The following ZNF101 variants were observed in gnomAD, a reference collection of about 807,000 sequenced individuals.
ZNF101 encodes zinc finger protein 101, also known as zinc finger protein 101 (Y2).
Under a neutral mutation model 42.6 loss-of-function variants are expected in ZNF101, and 34 were observed. The observed-to-expected ratio is 0.80, with a 90% CI of 0.61 to 1.06. The LOEUF (loss-of-function observed/expected upper bound fraction) is 1.06. Ranked by LOEUF, ZNF101 falls within the 50% of genes least tolerant of loss-of-function variation. ZNF101 has a pLI of 0.00. For synonymous variants in ZNF101, 158 were observed against 183.9 expected, an observed-to-expected ratio of 0.86 and a Z score of 1.14; for missense variants, 466 against 530.9, an observed-to-expected ratio of 0.88 and a Z score of 1.20.
chr19:19,668,825 C>G, upstream of ZNF101: 1 of 1,146,048 alleles, frequency 8.7e-7, no homozygotes, highest in East Asian at 3.0e-5. Context: ...GGTCTCATTT[C>G]CCGCCGGCCC....
In ZNF101 at chr19:19,668,901, C is replaced by G; in HGVS notation, c.-63C>G. ...GTGCCCCGGATACGGCTGATTTTGT[C>G]GTGTGGGACCTGTTCTGGCTGCTCC... On this transcript the variant is annotated 5_prime_UTR_variant, in exon 1 of 4. Transcript: ENST00000592502. The G allele has an allele frequency of 6.5e-7, 1 of 1,530,844 alleles. No individual in the cohort carries two copies. Among genetic ancestry groups the G allele is most frequent in the Non-Finnish European group, 8.8e-7 (1 of 1,132,070 alleles). 94.8% of individuals were successfully genotyped at this position (1,530,844 alleles called of 1,614,324 possible). A position where few individuals can be genotyped will look rare whatever the true frequency, so the allele number is the denominator to read the frequency against.
chr19:19,671,077 A>G (rs535801667), intron 1 of ZNF101, among the ~76,000 whole-genome samples: 9 of 152,172 alleles, frequency 5.9e-5, no homozygotes, highest in Non-Finnish European at 7.3e-5. Context: ...ACTGCACTCC[A>G]GCCTGCGCGA....
chr19:19,671,824 C>T (rs1045554438), intron 1 of ZNF101, among the ~76,000 whole-genome samples: 37 of 152,072 alleles, frequency 2.4e-4, no homozygotes, highest in African/African-American at 8.4e-4. Context: ...ATGCTTTTTA[C>T]ATCATAATCA....
upstream of ZNF101, among the ~76,000 whole-genome samples, chr19:19,668,631 G>C (rs1032781360): frequency 1.3e-5 from 2 of 152,092 alleles, no homozygotes; most frequent in African/African-American, 4.8e-5. Context: ...CCAGCGAGGG[G>C]CTGTGGGTAG....
intron 1 of ZNF101, among the ~76,000 whole-genome samples, chr19:19,673,374 G>A (rs1026118260): frequency 4.1e-5 from 6 of 146,058 alleles, no homozygotes; most frequent in Non-Finnish European, 7.5e-5. Flanking sequence ...CTCAGTCTCC[G>A]GAGTAGCTGG....
chr19:19,678,231 A>G (rs1391022971), intron 2 of ZNF101, among the ~76,000 whole-genome samples: 2 of 150,992 alleles, frequency 1.3e-5, no homozygotes, highest in Non-Finnish European at 3.0e-5. Context: ...GTCTCTTTAA[A>G]AAAAAAAAAA....
In ZNF101 at chr19:19,682,606, G is replaced by A. The variant is rs2062245774; in HGVS notation, c.*2306G>A. Reference sequence around the variant, plus strand: ...GTGAGAATGATACTCTTTAAGCAGTGGTACCTGAGGTTTAATAGGAAGTGT... The same window carrying A: ...GTGAGAATGATACTCTTTAAGCAGTAGTACCTGAGGTTTAATAGGAAGTGT... On this transcript the variant is annotated 3_prime_UTR_variant, in exon 4 of 4. Transcript: ENST00000592502. 1 of 152,028 alleles carries A rather than the reference G, an allele frequency of 6.6e-6. No individual in the cohort carries two copies. The highest frequency in any genetic ancestry group is 1.5e-5 in the Non-Finnish European group (1 of 67,996). The allele number at this position is 152,028 out of a possible 1,614,324, so 9.4% of individuals were successfully genotyped here. A position where few individuals can be genotyped will look rare whatever the true frequency, so the allele number is the denominator to read the frequency against.
At position 19,679,237 on chromosome 19, in the gene ZNF101, T is replaced by C; in HGVS notation, c.248T>C (p.Phe83Ser). The C allele has an allele frequency of 6.2e-7, 1 of 1,614,216 alleles. No individual in the cohort carries two copies. Among genetic ancestry groups the C allele is most frequent in the Non-Finnish European group, 8.5e-7 (1 of 1,180,046 alleles). The change falls in exon 4 of 4, where the codon TTC (phenylalanine) becomes TCC (serine). Residue 83 changes from phenylalanine (F) to serine (S), a missense_variant. Physicochemically the swap from Phe to Ser is radical, Grantham distance 155. Transcript: ENST00000592502. ...RKEGNEHRET[F>S]SQIPDCHLNK... ...GAAGGGAATGAACACAGAGAAACTT[T>C]CAGCCAGATTCCTGATTGTCACCTG...
At chr19:19,674,894 C>G (rs1218652888) in intron 1 of ZNF101, among the ~76,000 whole-genome samples, 2 of 152,044 alleles carry the variant, frequency 1.3e-5, no homozygotes, top group Non-Finnish European at 2.9e-5. Flanking sequence ...CATCTCGGCT[C>G]ACTGCAACCT....
Position 19,681,045 on chromosome 19 carries a change from G to C in ZNF101, c.*745G>C, listed in dbSNP as rs1175274311. The C allele has an allele frequency of 6.6e-6, 1 of 152,220 alleles. No homozygotes were observed. Among genetic ancestry groups the C allele is most frequent in the Non-Finnish European group, 1.5e-5 (1 of 68,110 alleles). 9.4% of individuals were successfully genotyped at this position (152,220 alleles called of 1,614,324 possible). On this transcript the variant is annotated 3_prime_UTR_variant, in exon 4 of 4. Transcript: ENST00000592502. ...GTGGGAGGAACCCTTGAGCCTGGGA[G>C]GTTGAGGCTGCAGTGAGCTGAGATC...
chr19:19,668,888 C>G lies in ZNF101; in HGVS notation c.-76C>G. 1 of 1,508,922 alleles carries G rather than the reference C, an allele frequency of 6.6e-7. No homozygotes were observed. Among genetic ancestry groups the G allele is most frequent in the South Asian group, 1.2e-5 (1 of 81,570 alleles). The allele number at this position is 1,508,922 out of a possible 1,614,324, so 93.5% of individuals were successfully genotyped here. A position where few individuals can be genotyped will look rare whatever the true frequency, so the allele number is the denominator to read the frequency against. ...CGGGGAGCCCCTGGTGCCCCGGATA[C>G]GGCTGATTTTGTCGTGTGGGACCTG... On this transcript the variant is annotated 5_prime_UTR_variant, in exon 1 of 4. Transcript: ENST00000592502.
chr19:19,668,785 G>C (rs544163978), upstream of ZNF101: 3 of 698,634 alleles, frequency 4.3e-6, no homozygotes, highest in Admixed American at 9.4e-5. Context: ...AGGTGCGCCG[G>C]GAGGAGGGGC....
rs1332111040 is a variant in ZNF101, at chr19:19,679,199, CTG to C, written c.213_214del (p.Cys71TrpfsTer3). 5.6e-6 allele frequency: 9 copies of C among 1,613,506 alleles called. No individual in the cohort carries two copies. Among genetic ancestry groups the C allele is most frequent in the Admixed American group, 3.3e-5 (2 of 59,982 alleles). On this transcript the variant is annotated frameshift_variant, in exon 4 of 4. Coordinates refer to ENST00000592502, the MANE Select transcript of ZNF101 (RefSeq NM_033204.4). LOFTEE classifies it high-confidence loss of function. ...TTCATAGAAGTCTGGTGGAGAGACT[CTG>C]TGGACGTAAAGAAGGGAATGAACAC... ...IKLRSLVERL[C>X]GRKEGNEHRE...
At position 19,680,330 on chromosome 19, in the gene ZNF101, A is replaced by G; in HGVS notation, c.*30A>G. The G allele has an allele frequency of 7.6e-7, 1 of 1,311,534 alleles. No homozygotes were observed. The highest frequency in any genetic ancestry group is 1.0e-6 in the Non-Finnish European group (1 of 979,998). The allele number at this position is 1,311,534 out of a possible 1,614,324, so 81.2% of individuals were successfully genotyped here. A position where few individuals can be genotyped will look rare whatever the true frequency, so the allele number is the denominator to read the frequency against. On this transcript the variant is annotated 3_prime_UTR_variant, in exon 4 of 4. Coordinates refer to ENST00000592502, the MANE Select transcript of ZNF101 (RefSeq NM_033204.4). The stretch of plus-strand genomic sequence containing the variant: ...AGCCTGGGCAACATAAGAAGGCCCC[A>G]TATCGGCTGGGTACGGTGGCTCACG...
Position 19,671,403 on chromosome 19 carries a change from A to C in ZNF101, c.3+2437A>C, listed in dbSNP as rs573557441. 7.2e-5 allele frequency among the ~76,000 whole-genome samples: 11 copies of C among 152,306 alleles called. No individual in the cohort carries two copies. The South Asian group carries it at 1.7e-3, about 23-fold the overall frequency. On this transcript the variant is annotated intron_variant, in intron 1 of 3. Coordinates refer to ENST00000592502, the MANE Select transcript of ZNF101 (RefSeq NM_033204.4). ...ACTCATCTCTTTTCCTAAGGATACT[A>C]ATCTGTACTCCTAGGTCTCTCTCAT...
At chr19:19,678,393 A>G (rs1372262776) in intron 2 of ZNF101, among the ~76,000 whole-genome samples, 1 of 152,100 alleles carries the variant, frequency 6.6e-6, no homozygotes, top group Non-Finnish European at 1.5e-5. Context: ...AGGCAGGTGG[A>G]TCACCTGAGG....
At chr19:19,673,212 A>G (rs1001397769) in intron 1 of ZNF101, among the ~76,000 whole-genome samples, 1 of 150,336 alleles carries the variant, frequency 6.7e-6, no homozygotes, top group Admixed American at 6.7e-5. Context: ...TGGCCTCCCA[A>G]AGTGGTGGGA....
intron 1 of ZNF101, among the ~76,000 whole-genome samples, chr19:19,670,517 G>C (rs2062161872): frequency 6.6e-6 from 1 of 152,196 alleles, no homozygotes; most frequent in African/African-American, 2.4e-5. Context: ...AGCACTTTGG[G>C]AGGCTGGGGC....
rs1568439451 is a variant in ZNF101, at chr19:19,680,001, T to C, written c.1012T>C (p.Tyr338His). The C allele has an allele frequency of 6.2e-7, 1 of 1,614,066 alleles. No homozygotes were observed. Among genetic ancestry groups the C allele is most frequent in the East Asian group, 2.2e-5 (1 of 44,882 alleles). Residue 338 changes from tyrosine (Y) to histidine (H), a missense_variant, in exon 4 of 4, where the codon TAT becomes CAT. Physicochemically the swap from Tyr to His is moderately conservative, Grantham distance 83. Coordinates refer to ENST00000592502, the MANE Select transcript of ZNF101 (RefSeq NM_033204.4). ...HERAHTGERPYECNKCGKTFN... is the reference protein window; with the variant it reads ...HERAHTGERPHECNKCGKTFN... Reference sequence around the variant, plus strand: ...AAGAGCTCACACTGGAGAAAGACCTTATGAATGTAATAAATGTGGTAAAAC... The same window carrying C: ...AAGAGCTCACACTGGAGAAAGACCTCATGAATGTAATAAATGTGGTAAAAC...
Sources: gnomAD v4.1 joint callset for allele counts (sites outside exome capture counted in the v4.1 genomes callset) on GRCh38, gnomAD v4.1.1 for gene constraint, MANE v1.5 for transcripts, NCBI Gene and HGNC (gene_info 2026-07-23, HGNC 2026-07-21) for gene names.